The following RBFOX1 variants were observed in gnomAD, a reference collection of about 807,000 sequenced individuals.
RBFOX1 encodes RNA binding protein fox-1 homolog 1.
RBFOX1 carries 8 observed loss-of-function variants against 57.7 expected under a neutral mutation model. The observed-to-expected ratio is 0.14, with a 90% CI of 0.08 to 0.25. The LOEUF (loss-of-function observed/expected upper bound fraction) is 0.25. Ranked by LOEUF, RBFOX1 falls within the 10% of genes least tolerant of loss-of-function variation. The pLI, the probability that RBFOX1 is intolerant of heterozygous loss-of-function variation, is 1.00. For synonymous variants in RBFOX1, 326 were observed against 222.4 expected (o/e 1.47, Z -4.15); for missense variants, 611 against 548.5 (o/e 1.11, Z -1.14).
intron 3 of RBFOX1, chr16:6,723,642 G>C (rs1395811455): frequency 2.6e-5 from 4 of 152,080 alleles, no homozygotes; most frequent in Admixed American, 1.3e-4. Context: ...TTAATTTTAC[G>C]ATTTGCATAT....
intron 4 of RBFOX1, among the ~76,000 whole-genome samples, chr16:7,137,517 G>A (rs558484049): frequency 5.3e-5 from 8 of 152,192 alleles, no homozygotes; most frequent in South Asian, 2.1e-4. Context: ...TTCACCTTCC[G>A]CCATGATTGT....
In RBFOX1 at chr16:7,381,512, T is replaced by A. The variant is rs550548371; in HGVS notation, c.28-136635T>A. On this transcript the variant is annotated intron_variant, in intron 4 of 15. Transcript: ENST00000550418. ...ATACATCGTTCCCCCCCGCCTTTTT[T>A]TTTTATTTTATTAACAGCTTCACAG... Among the ~76,000 whole-genome samples the A allele has an allele frequency of 5.3e-5, 8 of 152,008 alleles. No homozygotes were observed. The South Asian group carries it at 1.7e-3, about 31-fold the overall frequency.
chr16:6,863,644 A>G (rs2059386687), intron 3 of RBFOX1, among the ~76,000 whole-genome samples: 1 of 140,662 alleles, frequency 7.1e-6, no homozygotes, highest in Non-Finnish European at 1.5e-5. Context: ...GCATCAAAAT[A>G]CCAAGGTTCT....
chr16:6,361,209 C>A (rs762032916), intron 2 of RBFOX1, among the ~76,000 whole-genome samples: 3 of 151,972 alleles, frequency 2.0e-5, no homozygotes, highest in Non-Finnish European at 2.9e-5. Context: ...GACCCAGTGT[C>A]GAGGAGAAGA....
At chr16:7,425,409 A>G (rs2098600809) in intron 4 of RBFOX1, among the ~76,000 whole-genome samples, 1 of 152,202 alleles carries the variant, frequency 6.6e-6, no homozygotes, top group Non-Finnish European at 1.5e-5. Context: ...GGATCATGTA[A>G]TAGAAAACTT....
At chr16:5,357,499 A>G (rs1305060972) in intron 1 of RBFOX1, among the ~76,000 whole-genome samples, 2 of 152,240 alleles carry the variant, frequency 1.3e-5, no homozygotes, top group Admixed American at 1.3e-4. Context: ...AGAAGACTTC[A>G]GGATTCCCCA....
chr16:5,505,643 C>G (rs554618241), intron 2 of RBFOX1, among the ~76,000 whole-genome samples: 4 of 152,164 alleles, frequency 2.6e-5, no homozygotes, highest in African/African-American at 9.7e-5. Context: ...GTGCCTGTGT[C>G]TTATCACATA....
At chr16:5,312,953 A>G (rs182772430) in intron 1 of RBFOX1, among the ~76,000 whole-genome samples, 2 of 152,200 alleles carry the variant, frequency 1.3e-5, no homozygotes, top group South Asian at 4.1e-4. Context: ...CATGAGCAGC[A>G]GTAGGCGCTT....
chr16:6,919,714 G>T (rs1032689939), intron 3 of RBFOX1, among the ~76,000 whole-genome samples: 21 of 148,972 alleles, frequency 1.4e-4, no homozygotes, highest in South Asian at 2.1e-4. Flanking sequence ...TATATTGTAT[G>T]TTATAGATAA....
chr16:7,602,455 C>T lies in RBFOX1; in HGVS notation c.623-4830C>T, dbSNP rs138231048. Among the ~76,000 whole-genome samples, 610 of 152,254 alleles carry T rather than the reference C, an allele frequency of 4.0e-3. 1 individual carries two copies. Among genetic ancestry groups the T allele is most frequent in the Middle Eastern group, 0.014 (4 of 294 alleles). On this transcript the variant is annotated intron_variant, in intron 9 of 15. Coordinates refer to ENST00000550418, the MANE Select transcript of RBFOX1 (RefSeq NM_018723.4). Reference sequence around the variant, plus strand: ...TCCTTTTGTTGTAAGCCTCATTGTTCAGTTTAATGTCCTTGATCAAAATCT... The same window carrying T: ...TCCTTTTGTTGTAAGCCTCATTGTTTAGTTTAATGTCCTTGATCAAAATCT...
intron 2 of RBFOX1, among the ~76,000 whole-genome samples, chr16:5,556,179 T>C (rs1208249325): frequency 2.0e-5 from 3 of 152,258 alleles, no homozygotes; most frequent in Non-Finnish European, 4.4e-5. Flanking sequence ...ATTTCCCTCT[T>C]GCGGTTACAT....
intron 3 of RBFOX1, among the ~76,000 whole-genome samples, chr16:6,711,247 C>T (rs1424011041): frequency 6.6e-6 from 1 of 152,194 alleles, no homozygotes; most frequent in Admixed American, 6.5e-5. Context: ...CCTCCTAACT[C>T]TGCTTTCACT....
At chr16:5,852,972 G>C (rs190492436) in intron 3 of RBFOX1, among the ~76,000 whole-genome samples, 1 of 152,048 alleles carries the variant, frequency 6.6e-6, no homozygotes, top group African/African-American at 2.4e-5. Context: ...GAGTTACTTC[G>C]TTCTCTCTGA....
At chr16:6,110,756 A>G (rs1270358640) in intron 1 of RBFOX1, among the ~76,000 whole-genome samples, 1 of 152,170 alleles carries the variant, frequency 6.6e-6, no homozygotes, top group Non-Finnish European at 1.5e-5. Context: ...GCCAGAGGAC[A>G]CTAGGCCATG....
At chr16:6,163,875 A>AT (rs1322050939) in intron 1 of RBFOX1, among the ~76,000 whole-genome samples, 1 of 152,178 alleles carries the variant, frequency 6.6e-6, no homozygotes, top group Non-Finnish European at 1.5e-5. Context: ...AAGAGGTCCA[A>AT]TTCTTGGTTG....
At chr16:6,901,970 C>T (rs113431062) in intron 3 of RBFOX1, among the ~76,000 whole-genome samples, 6 of 152,008 alleles carry the variant, frequency 3.9e-5, no homozygotes, top group African/African-American at 1.4e-4. Flanking sequence ...AGAAATATTG[C>T]GTTACAGACA....
At chr16:7,287,733 A>C (rs937967279) in intron 4 of RBFOX1, among the ~76,000 whole-genome samples, 2 of 152,224 alleles carry the variant, frequency 1.3e-5, no homozygotes, top group Admixed American at 1.3e-4. Context: ...ATATCTATGT[A>C]GATCTATATG....
At chr16:6,972,290 T>G (rs55762551) in intron 3 of RBFOX1, among the ~76,000 whole-genome samples, 4,704 of 152,172 alleles carry the variant, frequency 0.031, 257 homozygotes, top group African/African-American at 0.11. Flanking sequence ...TCATTCTACT[T>G]TTTGTCTCTA....
At chr16:6,846,424 C>T (rs1053542540) in intron 3 of RBFOX1, among the ~76,000 whole-genome samples, 9 of 152,098 alleles carry the variant, frequency 5.9e-5, no homozygotes, top group African/African-American at 1.4e-4. Flanking sequence ...TGGACAAGGA[C>T]AAACAAGAGA....
Sources: allele counts gnomAD v4.1 joint callset (sites outside exome capture counted in the v4.1 genomes callset), GRCh38; gene constraint gnomAD v4.1.1; transcripts MANE v1.5; gene names NCBI Gene and HGNC (gene_info 2026-07-23, HGNC 2026-07-21).